PCDH15: variants seen among roughly 807,000 people sequenced by gnomAD.
PCDH15 encodes protocadherin-15.
In PCDH15, 129 loss-of-function variants were observed where a neutral mutation model predicts 178.5. The ratio of observed to expected loss-of-function variants is 0.72; its 90% CI spans 0.63 to 0.84. PCDH15 has a LOEUF of 0.84. Ranked by LOEUF, PCDH15 falls within the 40% of genes least tolerant of loss-of-function variation. The pLI is 0.00. For synonymous variants in PCDH15, 800 were observed against 732.0 expected, an observed-to-expected ratio of 1.09 and a Z score of -1.50; for missense variants, 2,230 against 2,099.9, an observed-to-expected ratio of 1.06 and a Z score of -1.21.
chr10:54,726,435 T>G (rs200942400), intron 1 of PCDH15, among the ~76,000 whole-genome samples: 102 of 15,766 alleles, frequency 6.5e-3, no homozygotes, highest in Non-Finnish European at 0.016. Flanking sequence ...TGTGTGTGTG[T>G]GTGTGTGTGT....
At chr10:54,639,255 C>T (rs554884960) in intron 2 of PCDH15, among the ~76,000 whole-genome samples, 1 of 152,204 alleles carries the variant, frequency 6.6e-6, no homozygotes, top group Admixed American at 6.5e-5. Context: ...TTATTTTCAA[C>T]TTCCAAAGTT....
chr10:54,115,169 C>A (rs768748103), intron 15 of PCDH15, among the ~76,000 whole-genome samples: 15 of 151,908 alleles, frequency 9.9e-5, no homozygotes, highest in Non-Finnish European at 2.2e-4. Context: ...TTGGACCAAC[C>A]AAATTTATTG....
Position 54,183,563 on chromosome 10 carries a change from C to T in PCDH15, c.1471G>A (p.Glu491Lys), listed in dbSNP as rs1244912336. 5 of 1,613,832 alleles carry T rather than the reference C, an allele frequency of 3.1e-6. No individual in the cohort carries two copies. The highest frequency in any genetic ancestry group is 3.4e-6 in the Non-Finnish European group (4 of 1,179,980). Residue 491 changes from glutamate to lysine, a missense_variant, in exon 13 of 38, where the codon GAG becomes AAG. Coordinates refer to ENST00000644397, the MANE Select transcript of PCDH15 (RefSeq NM_001384140.1). ...ACTTGAATATTGACGATGACTGGCT[C>T]ACTTTCTTGTACACCATCAAATGCT... ...ITAFDGVQESEPVIVNIQVMD... is the reference protein window; with the variant it reads ...ITAFDGVQESKPVIVNIQVMD...
At chr10:54,483,944 T>A (rs1174075122) in intron 3 of PCDH15, among the ~76,000 whole-genome samples, 1 of 151,882 alleles carries the variant, frequency 6.6e-6, no homozygotes, top group African/African-American at 2.4e-5. Flanking sequence ...AAACTTGAGT[T>A]TGACACATTT....
At chr10:55,235,834 G>C (rs947664715) in intron 1 of PCDH15, among the ~76,000 whole-genome samples, 5 of 150,570 alleles carry the variant, frequency 3.3e-5, no homozygotes, top group Non-Finnish European at 5.9e-5. Context: ...TTGAACCCGG[G>C]AGGTGGAGGT....
At chr10:54,814,689 C>G (rs1591716774) in intron 3 of PCDH15, among the ~76,000 whole-genome samples, 2 of 152,216 alleles carry the variant, frequency 1.3e-5, no homozygotes, top group Admixed American at 1.3e-4. Context: ...GATTACAGTT[C>G]CCCATTAACA....
chr10:54,475,284 C>T (rs373317379), intron 3 of PCDH15, among the ~76,000 whole-genome samples: 3 of 151,876 alleles, frequency 2.0e-5, no homozygotes, highest in African/African-American at 4.8e-5. Context: ...TAATATTCAA[C>T]GTTTATTTTA....
intron 5 of PCDH15, among the ~76,000 whole-genome samples, chr10:54,352,042 A>G (rs1352894359): frequency 6.6e-6 from 1 of 152,240 alleles, no homozygotes; most frequent in Non-Finnish European, 1.5e-5. Context: ...TTTGGTGATT[A>G]GAAAATTCCA....
intron 27 of PCDH15, among the ~76,000 whole-genome samples, chr10:53,857,796 A>G (rs10825128): frequency 0.028 from 4,234 of 152,148 alleles, 127 homozygotes; most frequent in East Asian, 0.14. Flanking sequence ...TATGGGTTAA[A>G]TGAGCTAATT....
intron 2 of PCDH15, among the ~76,000 whole-genome samples, chr10:54,631,224 C>T (rs996076048): frequency 6.6e-6 from 1 of 152,100 alleles, no homozygotes; most frequent in African/African-American, 2.4e-5. Flanking sequence ...TCTCTTGCTT[C>T]CACTCTGCCA....
chr10:54,751,340 T>A (rs1946201707), intron 1 of PCDH15, among the ~76,000 whole-genome samples: 1 of 152,178 alleles, frequency 6.6e-6, no homozygotes, highest in South Asian at 2.1e-4. Context: ...GTTTGTGTAA[T>A]TCTAAGTCAA....
intron 1 of PCDH15, among the ~76,000 whole-genome samples, chr10:54,709,495 C>A (rs2132334480): frequency 6.7e-6 from 1 of 150,116 alleles, no homozygotes; most frequent in African/African-American, 2.4e-5. Context: ...ATATCTACTT[C>A]CATTGTTGTT....
At chr10:53,926,759 T>C (rs2084590276) in intron 25 of PCDH15, among the ~76,000 whole-genome samples, 1 of 152,024 alleles carries the variant, frequency 6.6e-6, no homozygotes, top group Non-Finnish European at 1.5e-5. Flanking sequence ...GAGTTCGAGG[T>C]TTTTCACTGA....
At chr10:54,925,131 G>A (rs564231046) in intron 2 of PCDH15, among the ~76,000 whole-genome samples, 1 of 152,248 alleles carries the variant, frequency 6.6e-6, no homozygotes, top group African/African-American at 2.4e-5. Flanking sequence ...TATGGTGTAA[G>A]GAAGGAGTCC....
intron 37 of PCDH15, chr10:53,808,394 A>C (rs2075737528): frequency 9.4e-7 from 1 of 1,064,730 alleles, no homozygotes; most frequent in African/African-American, 1.7e-5. Flanking sequence ...GATAATACAT[A>C]ATGCCACATT....
intron 23 of PCDH15, among the ~76,000 whole-genome samples, chr10:53,958,481 C>T (rs933946926): frequency 6.6e-6 from 1 of 152,206 alleles, no homozygotes; most frequent in Admixed American, 6.5e-5. Flanking sequence ...CTTATTTCTA[C>T]CATTGTGTTC....
chr10:55,512,024 G>A (rs1589097076), intron 2 of PCDH15, among the ~76,000 whole-genome samples: 2 of 151,950 alleles, frequency 1.3e-5, no homozygotes, highest in South Asian at 4.1e-4. Context: ...TCTTTCTGAA[G>A]GGGAAAAACA....
chr10:55,453,715 G>T (rs1375900316), intron 2 of PCDH15, among the ~76,000 whole-genome samples: 1 of 152,016 alleles, frequency 6.6e-6, no homozygotes, highest in East Asian at 1.9e-4. Flanking sequence ...TTCCACAAGT[G>T]ACTGCAAACA....
rs1243759589 is a variant in PCDH15 at position 54,307,081 on chromosome 10, C to CACAT, written c.876+10189_876+10190insATGT. ...ATATATATATATATATATATATATACATATATATATATGTGTGTGTGTGTA... is the reference window on the plus strand; with the variant it reads ...ATATATATATATATATATATATATACACATATATATATATATGTGTGTGTGTGTA... On this transcript the variant is annotated intron_variant, in intron 8 of 37. Coordinates refer to ENST00000644397, the MANE Select transcript of PCDH15 (RefSeq NM_001384140.1). Among the ~76,000 whole-genome samples the CACAT allele has an allele frequency of 5.2e-4, 6 of 11,568 alleles. No homozygotes were observed. In the East Asian group the frequency reaches 0.013, roughly 26 times the overall value. The allele number at this position is 11,568 out of a possible 152,430, so 7.6% of individuals were successfully genotyped here. A position where few individuals can be genotyped will look rare whatever the true frequency, so the allele number is the denominator to read the frequency against.
Sources: gnomAD v4.1 joint callset for allele counts (sites outside exome capture counted in the v4.1 genomes callset) on GRCh38, gnomAD v4.1.1 for gene constraint, MANE v1.5 for transcripts, NCBI Gene and HGNC (gene_info 2026-07-23, HGNC 2026-07-21) for gene names.